Variants in NPFFR2 observed in about 807,000 individuals in gnomAD.
The protein encoded by NPFFR2 is neuropeptide FF receptor 2.
Under a neutral mutation model 13.1 loss-of-function variants are expected in NPFFR2, and 15 were observed. That is an observed-to-expected ratio of 1.15 (90% CI 0.77 to 1.76). The LOEUF (loss-of-function observed/expected upper bound fraction) is 1.76. Among genes scored for constraint, NPFFR2 ranks in the 40% most tolerant of loss-of-function variants. NPFFR2 has a pLI of 0.00. For missense variants in NPFFR2, 572 were observed against 503.5 expected, an observed-to-expected ratio of 1.14 and a Z score of -1.30; for synonymous variants, 190 against 175.7, an observed-to-expected ratio of 1.08 and a Z score of -0.65.
intron 1 of NPFFR2, among the ~76,000 whole-genome samples, chr4:72,103,235 G>C (rs974179004): frequency 6.6e-6 from 1 of 152,118 alleles, no homozygotes; most frequent in Non-Finnish European, 1.5e-5. Context: ...TTTAAGGTCT[G>C]CTACAGTTTG....
At chr4:72,038,905 CTTTTTTTTTTTT>C (rs1158358179) in intron 1 of NPFFR2, among the ~76,000 whole-genome samples, 3 of 84,738 alleles carry the variant, frequency 3.5e-5, no homozygotes, top group Non-Finnish European at 6.4e-5. Context: ...AATTTCCTTT[CTTTTTTTTTTTT>C]TTTTTTTTTG....
intron 1 of NPFFR2, among the ~76,000 whole-genome samples, chr4:72,080,357 G>A (rs1315297431): frequency 6.6e-6 from 1 of 151,956 alleles, no homozygotes; most frequent in African/African-American, 2.4e-5. Context: ...TAGAGACAGG[G>A]TTTCACCATG....
chr4:72,115,341 T>A lies in NPFFR2; in HGVS notation c.-7-13244T>A, dbSNP rs4472109. Among the ~76,000 whole-genome samples, 3 of 152,064 alleles carry A rather than the reference T, an allele frequency of 2.0e-5. No homozygotes were observed. The East Asian group carries it at 5.8e-4, about 29-fold the overall frequency. ...ATCCCTAACACTGTATGAAAATATT[T>A]GCTTCCCTGCATCTGTTGTCAGCCA... On this transcript the variant is annotated intron_variant, in intron 1 of 3. Transcript: ENST00000308744.
intron 1 of NPFFR2, among the ~76,000 whole-genome samples, chr4:72,118,741 A>T (rs1243272084): frequency 6.6e-6 from 1 of 152,182 alleles, no homozygotes; most frequent in Non-Finnish European, 1.5e-5. Context: ...AGCACCAATT[A>T]TTGGTTCAAC....
chr4:72,059,610 A>G lies in NPFFR2; in HGVS notation c.-8+27410A>G, dbSNP rs79805888. 5.5e-3 allele frequency among the ~76,000 whole-genome samples: 833 copies of G among 152,198 alleles called. 3 individuals carry two copies. The highest frequency in any genetic ancestry group is 9.1e-3 in the Non-Finnish European group (620 of 67,984). On this transcript the variant is annotated intron_variant, in intron 1 of 3. Coordinates refer to ENST00000308744, the MANE Select transcript of NPFFR2 (RefSeq NM_004885.3). Reference sequence around the variant, plus strand: ...ATATAGTAATTGCTTTTGGTTTACTATCTTTGGGGAGGAGAAAATTACAGG... The same window carrying G: ...ATATAGTAATTGCTTTTGGTTTACTGTCTTTGGGGAGGAGAAAATTACAGG...
At chr4:72,108,868 C>A (rs1288740172) in intron 1 of NPFFR2, among the ~76,000 whole-genome samples, 1 of 151,960 alleles carries the variant, frequency 6.6e-6, no homozygotes, top group African/African-American at 2.4e-5. Flanking sequence ...AATTCACTTT[C>A]TTCTCTGGAC....
chr4:72,123,058 A>G (rs1374954677), intron 1 of NPFFR2, among the ~76,000 whole-genome samples: 1 of 152,192 alleles, frequency 6.6e-6, no homozygotes, highest in Non-Finnish European at 1.5e-5. Context: ...ACAATAAAAA[A>G]TTATAAAGGG....
intron 1 of NPFFR2, among the ~76,000 whole-genome samples, chr4:72,038,109 A>G (rs922423033): frequency 6.6e-6 from 1 of 152,082 alleles, no homozygotes; most frequent in South Asian, 2.1e-4. Context: ...CTCATTCTCA[A>G]TTACAACTTT....
chr4:72,116,762 A>T (rs1211550735), intron 1 of NPFFR2, among the ~76,000 whole-genome samples: 1 of 152,064 alleles, frequency 6.6e-6, no homozygotes, highest in Non-Finnish European at 1.5e-5. Context: ...TTGTTCAGGC[A>T]TATTTATAAT....
intron 1 of NPFFR2, among the ~76,000 whole-genome samples, chr4:72,119,919 G>T (rs36086844): frequency 0.032 from 4,801 of 152,120 alleles, 116 homozygotes; most frequent in Admixed American, 0.052. Context: ...CCAGGAGCCC[G>T]AGTGAGACAG....
intron 1 of NPFFR2, among the ~76,000 whole-genome samples, chr4:72,123,513 C>T (rs182364912): frequency 1.6e-4 from 25 of 152,274 alleles, no homozygotes; most frequent in African/African-American, 5.3e-4. Flanking sequence ...CAAAAATCCT[C>T]GATAAAATAC....
At chr4:72,093,987 A>G (rs1049602320) in intron 1 of NPFFR2, among the ~76,000 whole-genome samples, 6 of 152,112 alleles carry the variant, frequency 3.9e-5, no homozygotes, top group African/African-American at 1.4e-4. Flanking sequence ...TCAGGGACTC[A>G]AGGGCTGCTG....
chr4:72,145,741 C>T (rs945301060), intron 3 of NPFFR2, among the ~76,000 whole-genome samples: 4 of 152,168 alleles, frequency 2.6e-5, no homozygotes, highest in Admixed American at 2.0e-4. Context: ...AGTTGCTGCT[C>T]AGCCACTTAA....
chr4:72,032,308 C>T (rs1718946841), intron 1 of NPFFR2, 108 bp downstream of exon 1: 2 of 1,251,652 alleles, frequency 1.6e-6, no homozygotes, highest in Non-Finnish European at 2.2e-6. Context: ...TGGACCGACA[C>T]CTTGGATTTT....
intron 1 of NPFFR2, among the ~76,000 whole-genome samples, chr4:72,042,258 C>T (rs1719242585): frequency 6.6e-6 from 1 of 152,152 alleles, no homozygotes; most frequent in Non-Finnish European, 1.5e-5. Context: ...TCCCTTTCTG[C>T]CATAATTGTA....
chr4:72,074,956 T>C (rs1219911606), intron 1 of NPFFR2, among the ~76,000 whole-genome samples: 2 of 63,654 alleles, frequency 3.1e-5, no homozygotes, highest in African/African-American at 9.0e-5. Context: ...AGATTCAATA[T>C]GGCAAAGAGA....
At chr4:72,076,965 T>C (rs543297445) in intron 1 of NPFFR2, among the ~76,000 whole-genome samples, 6 of 152,298 alleles carry the variant, frequency 3.9e-5, no homozygotes, top group South Asian at 2.1e-4. Flanking sequence ...AAGAGTAAAA[T>C]ATTGTTCTTT....
chr4:72,088,579 G>A (rs959031276), intron 1 of NPFFR2, among the ~76,000 whole-genome samples: 38 of 151,970 alleles, frequency 2.5e-4, no homozygotes, highest in African/African-American at 9.2e-4. Flanking sequence ...AAGAAAGGAG[G>A]CTTAACTGAC....
At chr4:72,124,263 G>A (rs1278184169) in intron 1 of NPFFR2, among the ~76,000 whole-genome samples, 1 of 151,744 alleles carries the variant, frequency 6.6e-6, no homozygotes, top group African/African-American at 2.4e-5. Context: ...AACTAAGAGA[G>A]GACACAAGCA....
Sources: gnomAD v4.1 joint callset for allele counts (sites outside exome capture counted in the v4.1 genomes callset) on GRCh38, gnomAD v4.1.1 for gene constraint, MANE v1.5 for transcripts, NCBI Gene and HGNC (gene_info 2026-07-23, HGNC 2026-07-21) for gene names.